The following SGPP1 variants were observed in gnomAD, a reference collection of about 807,000 sequenced individuals.
SGPP1 encodes sphingosine-1-phosphate phosphatase 1.
Under a neutral mutation model 33.0 loss-of-function variants are expected in SGPP1, and 21 were observed. That is an observed-to-expected ratio of 0.64 (90% CI 0.45 to 0.92). The LOEUF is 0.92. SGPP1 is among the 40% of genes least tolerant of loss of function. The probability of loss-of-function intolerance (pLI) is 0.00; values close to 1 mark genes in which losing one functional copy is unlikely to be tolerated. For synonymous variants in SGPP1, 239 were observed against 241.2 expected (o/e 0.99, Z 0.08); for missense variants, 543 against 589.4 (o/e 0.92, Z 0.81).
Position 63,727,346 on chromosome 14 carries a change from G to C in SGPP1, c.599C>G (p.Ser200Cys). The part of the protein sequence containing the change: ...PVVKLEVFYN[S>C]EYSMPSTHAM... ...ATGGGTGGAGGGCATGCTGTACTCAGAGTTGTAGAAGACCTCCAACTTGAC... is the reference window on the plus strand; with the variant it reads ...ATGGGTGGAGGGCATGCTGTACTCACAGTTGTAGAAGACCTCCAACTTGAC... The change falls in exon 1 of 3, where the codon TCT becomes TGT. Residue 200 changes from serine to cysteine, a missense_variant. Physicochemically the swap from Ser to Cys is moderately radical, Grantham distance 112 (BLOSUM62 -1). Coordinates refer to ENST00000247225, the MANE Select transcript of SGPP1 (RefSeq NM_030791.4). The C allele has an allele frequency of 6.2e-7, 1 of 1,614,178 alleles. No individual in the cohort carries two copies. Among genetic ancestry groups the C allele is most frequent in the South Asian group, 1.1e-5 (1 of 91,086 alleles).
At position 63,686,672 on chromosome 14, in the gene SGPP1, A is replaced by C; in HGVS notation, c.775-16T>G. 6.5e-7 allele frequency: 1 copy of C among 1,546,906 alleles called. No individual in the cohort carries two copies. The highest frequency in any genetic ancestry group is 1.4e-5 in the African/African-American group (1 of 73,216). The stretch of plus-strand genomic sequence containing the variant: ...CAATAATATCCTAGGAAAAGATAAA[A>C]GTATCGTTGTTTAGTATAATACTGA... On this transcript the variant is annotated splice_polypyrimidine_tract_variant and intron_variant, in intron 2 of 2. Coordinates refer to ENST00000247225, the MANE Select transcript of SGPP1 (RefSeq NM_030791.4).
intron 2 of SGPP1, among the ~76,000 whole-genome samples, chr14:63,697,792 T>C (rs1280966987): frequency 1.3e-5 from 2 of 152,204 alleles, no homozygotes; most frequent in Non-Finnish European, 2.9e-5. Context: ...ACAGCATTTG[T>C]AAAGTTATGG....
intron 1 of SGPP1, among the ~76,000 whole-genome samples, chr14:63,707,069 A>G (rs899046662): frequency 2.0e-5 from 3 of 149,980 alleles, no homozygotes; most frequent in Non-Finnish European, 4.4e-5. Context: ...AAACTGACCC[A>G]TATATAATCA....
chr14:63,705,041 C>T (rs934730211), intron 1 of SGPP1, among the ~76,000 whole-genome samples: 2 of 151,484 alleles, frequency 1.3e-5, no homozygotes, highest in African/African-American at 4.9e-5. Flanking sequence ...GTGGGAGACT[C>T]GCTTGAACCC....
intron 2 of SGPP1, among the ~76,000 whole-genome samples, chr14:63,692,499 T>C (rs773170018): frequency 6.6e-6 from 1 of 152,102 alleles, no homozygotes; most frequent in Non-Finnish European, 1.5e-5. Context: ...ATTCAGCCTG[T>C]AGTGTAGTGG....
chr14:63,726,445 T>TA (rs748705454), intron 1 of SGPP1, among the ~76,000 whole-genome samples: 131 of 145,354 alleles, frequency 9.0e-4, no homozygotes, highest in African/African-American at 1.5e-3. Context: ...CAGAGAGGGT[T>TA]AAAAAAAAAA....
chr14:63,724,881 TAA>T (rs60279403), intron 1 of SGPP1, among the ~76,000 whole-genome samples: 1 of 123,854 alleles, frequency 8.1e-6, no homozygotes, highest in Non-Finnish European at 1.7e-5. Flanking sequence ...GACTCCGTCT[TAA>T]AAAAAAAAAA....
intron 1 of SGPP1, among the ~76,000 whole-genome samples, chr14:63,717,313 TTC>T (rs1418605867): frequency 3.4e-5 from 5 of 148,280 alleles, no homozygotes; most frequent in Non-Finnish European, 5.9e-5. Flanking sequence ...AAATTGGAAT[TTC>T]TCTTTTTTTT....
At chr14:63,721,720 AAAC>A (rs1335043614) in intron 1 of SGPP1, among the ~76,000 whole-genome samples, 2 of 152,190 alleles carry the variant, frequency 1.3e-5, no homozygotes, top group Non-Finnish European at 2.9e-5. Flanking sequence ...TATTTACAGT[AAAC>A]AACATTTTGA....
chr14:63,707,222 T>A (rs142498539), intron 1 of SGPP1, among the ~76,000 whole-genome samples: 76 of 152,268 alleles, frequency 5.0e-4, no homozygotes, highest in African/African-American at 1.4e-3. Context: ...GCAACTGAAC[T>A]CACCATATAC....
intron 1 of SGPP1, 25 bp from the exon 2 acceptor site, chr14:63,698,683 A>T: frequency 7.7e-7 from 1 of 1,299,538 alleles, no homozygotes; most frequent in Non-Finnish European, 1.1e-6. Context: ...AAGTAAAATT[A>T]GTTAAACAAA....
At chr14:63,727,145 C>A in intron 1 of SGPP1, 116 bp downstream of exon 1, 1 of 1,427,532 alleles carries the variant, frequency 7.0e-7, no homozygotes, top group Non-Finnish European at 9.1e-7. Context: ...TTGTGAAAAC[C>A]TGTGGAAAGA....
intron 1 of SGPP1, among the ~76,000 whole-genome samples, chr14:63,722,042 G>A (rs1285036208): frequency 6.6e-6 from 1 of 152,126 alleles, no homozygotes; most frequent in Non-Finnish European, 1.5e-5. Flanking sequence ...ATAAGCTGCT[G>A]AGTCAGTCTG....
chr14:63,722,361 GAA>G (rs34786841), intron 1 of SGPP1, among the ~76,000 whole-genome samples: 122 of 97,782 alleles, frequency 1.2e-3, no homozygotes, highest in Middle Eastern at 0.011. Context: ...TGTCTCTATT[GAA>G]AAAAAAAAAA....
At chr14:63,699,728 G>T (rs74694585) in intron 1 of SGPP1, among the ~76,000 whole-genome samples, 8 of 141,788 alleles carry the variant, frequency 5.6e-5, no homozygotes, top group Non-Finnish European at 1.1e-4. Context: ...AGGCAGAGTT[G>T]TTTTTTTTTT....
At chr14:63,703,796 T>A (rs1286028889) in intron 1 of SGPP1, among the ~76,000 whole-genome samples, 1 of 149,508 alleles carries the variant, frequency 6.7e-6, no homozygotes, top group East Asian at 1.9e-4. Flanking sequence ...TAATCCCTAT[T>A]TAAGTTTTTT....
chr14:63,708,401 G>A (rs1034387790), intron 1 of SGPP1, among the ~76,000 whole-genome samples: 1 of 150,790 alleles, frequency 6.6e-6, no homozygotes, highest in African/African-American at 2.4e-5. Flanking sequence ...GATTACAGGT[G>A]CCCACCACCA....
At chr14:63,692,411 G>A (rs1885108062) in intron 2 of SGPP1, among the ~76,000 whole-genome samples, 1 of 151,558 alleles carries the variant, frequency 6.6e-6, no homozygotes, top group South Asian at 2.1e-4. Flanking sequence ...TTGAGAATCA[G>A]AAATTAAATA....
intron 1 of SGPP1, among the ~76,000 whole-genome samples, chr14:63,719,741 A>C (rs1185432632): frequency 2.0e-5 from 3 of 151,780 alleles, no homozygotes; most frequent in East Asian, 1.9e-4. Flanking sequence ...CTCTCTCTAT[A>C]TATATATAGA....
Sources: gnomAD v4.1 joint callset for allele counts (sites outside exome capture counted in the v4.1 genomes callset) on GRCh38, gnomAD v4.1.1 for gene constraint, MANE v1.5 for transcripts, NCBI Gene and HGNC (gene_info 2026-07-23, HGNC 2026-07-21) for gene names.